The following ZNF483 variants were observed in gnomAD, a reference collection of about 807,000 sequenced individuals.
ZNF483 encodes the protein zinc finger protein HIT-10.
A neutral mutation model predicts 28.6 loss-of-function variants in ZNF483; 9 were observed. The observed-to-expected ratio is 0.32, with a 90% confidence interval of 0.19 to 0.55. The LOEUF is 0.55. Ranked by LOEUF, ZNF483 falls within the 20% of genes least tolerant of loss-of-function variation. The pLI, the probability that ZNF483 is intolerant of heterozygous loss-of-function variation, is 0.93. For synonymous variants in ZNF483, 322 were observed against 306.2 expected, an observed-to-expected ratio of 1.05 and a Z score of -0.54; for missense variants, 675 against 871.7, an observed-to-expected ratio of 0.77 and a Z score of 2.84.
At chr9:111,561,950 A>G (rs1403122636) in intron 5 of ZNF483, among the ~76,000 whole-genome samples, 1 of 150,276 alleles carries the variant, frequency 6.7e-6, no homozygotes, top group African/African-American at 2.4e-5. Flanking sequence ...CAATGGCACA[A>G]TATCGGCTCA....
intron 5 of ZNF483, among the ~76,000 whole-genome samples, chr9:111,573,366 G>A (rs974391535): frequency 6.6e-6 from 1 of 152,146 alleles, no homozygotes; most frequent in African/African-American, 2.4e-5. Context: ...CACAACCTGA[G>A]AGGGAATCTA....
downstream of ZNF483, among the ~76,000 whole-genome samples, chr9:111,555,698 C>G (rs973973822): frequency 1.3e-5 from 2 of 152,096 alleles, no homozygotes; most frequent in Non-Finnish European, 2.9e-5. Flanking sequence ...CTACACACTT[C>G]TAAACAACCA....
rs1052069946 is a variant in ZNF483, at chr9:111,543,955, A to G, written c.*785A>G. On this transcript the variant is annotated 3_prime_UTR_variant, in exon 6 of 6. Transcript: ENST00000309235. The stretch of plus-strand genomic sequence containing the variant: ...TGGACTTCTAGCTTAGTGAGAATGC[A>G]GTATACTTTTTGAAAACTTCGTGCA... The G allele has an allele frequency of 1.0e-6, 1 of 985,200 alleles. No homozygotes were observed. The highest frequency in any genetic ancestry group is 1.2e-6 in the Non-Finnish European group (1 of 829,928). The allele number at this position is 985,200 out of a possible 1,614,324, so 61.0% of individuals were successfully genotyped here.
rs1440353255 is a variant in ZNF483 at position 111,542,021 on chromosome 9, T to C, written c.1086T>C (p.Asn362=). The part of the protein sequence containing the change: ...KTAGEKSRKS[N]DGGKVLSHSS... The stretch of plus-strand genomic sequence containing the variant: ...CCGGAGAAAAGTCACGGAAATCTAA[T>C]GATGGTGGGAAAGTCCTGAGTCACT... Residue 362 remains asparagine (N), a synonymous_variant, in exon 6 of 6, where the codon AAT becomes AAC. Coordinates refer to ENST00000309235, the MANE Select transcript of ZNF483 (RefSeq NM_133464.5). The surrounding 1 kb of genome is among the most constrained non-coding windows in gnomAD (Gnocchi z 6.2). 3.7e-6 allele frequency: 6 copies of C among 1,613,866 alleles called. No individual in the cohort carries two copies. In the African/African-American group the frequency reaches 8.0e-5, roughly 22 times the overall value.
At chr9:111,530,805 ATATATATAT>A (rs1564591277) in intron 2 of ZNF483, 61 bp from the exon 3 acceptor site, 23 of 119,172 alleles carry the variant, frequency 1.9e-4, no homozygotes, top group African/African-American at 1.0e-3. Context: ...ATATATACAT[ATATATATAT>A]AAGATTTTTA....
At chr9:111,568,898 G>A (rs1376066007) in intron 5 of ZNF483, among the ~76,000 whole-genome samples, 1 of 152,182 alleles carries the variant, frequency 6.6e-6, no homozygotes, top group African/African-American at 2.4e-5. Flanking sequence ...TGGGAGAAGT[G>A]TTCAGATTCT....
chr9:111,543,122 A>G lies in ZNF483; in HGVS notation c.2187A>G (p.Lys729=). The G allele has an allele frequency of 6.2e-7, 1 of 1,613,886 alleles. No homozygotes were observed. Among genetic ancestry groups the G allele is most frequent in the Non-Finnish European group, 8.5e-7 (1 of 1,179,914 alleles). ...GTAACGAATGTGAGAAGACATTTAA[A>G]AGTAATTCAGGCCTCATTAGACATC... ...YECNECEKTF[K]SNSGLIRHRG... Residue 729 remains lysine (K), a synonymous_variant, in exon 6 of 6, where the codon AAA becomes AAG. Transcript: ENST00000309235.
chr9:111,543,096 T>C lies in ZNF483; in HGVS notation c.2161T>C (p.Cys721Arg). Residue 721 changes from cysteine (C) to arginine (R), a missense_variant, in exon 6 of 6, where the codon TGT becomes CGT. Around this residue, in one of 6 missense-constraint regions of ZNF483, gnomAD observed 55 missense variants for 72.4 expected, o/e 0.76. Coordinates refer to ENST00000309235, the MANE Select transcript of ZNF483 (RefSeq NM_133464.5). ...KIHTGRREYE[C>R]NECEKTFKSN... ...TCATACCGGAAGGAGAGAATATGAA[T>C]GTAACGAATGTGAGAAGACATTTAA... The C allele has an allele frequency of 1.2e-6, 2 of 1,614,072 alleles. No individual in the cohort carries two copies. The highest frequency in any genetic ancestry group is 1.7e-6 in the Non-Finnish European group (2 of 1,179,990).
chr9:111,560,389 G>A (rs1252459653), downstream of ZNF483, among the ~76,000 whole-genome samples: 4 of 150,896 alleles, frequency 2.7e-5, no homozygotes, highest in African/African-American at 7.3e-5. Flanking sequence ...CAGGAGAATC[G>A]CGTGAACCCT....
intron 5 of ZNF483, among the ~76,000 whole-genome samples, chr9:111,534,700 AC>A (rs1827437189): frequency 6.7e-6 from 1 of 149,928 alleles, no homozygotes; most frequent in Admixed American, 6.7e-5. Context: ...AAAGTCTTAG[AC>A]TAAAGTGTCG....
rs1017587343 is a variant in ZNF483, at chr9:111,546,555, C to T, written c.*3385C>T. Among the ~76,000 whole-genome samples the T allele has an allele frequency of 2.6e-5, 4 of 152,072 alleles. No homozygotes were observed. Among genetic ancestry groups the T allele is most frequent in the African/African-American group, 9.7e-5 (4 of 41,422 alleles). ...ACACATTTTACTTTAAAATGAAGTC[C>T]TTGCTTTAAATAATGTTTCCTCTTA... On this transcript the variant is annotated 3_prime_UTR_variant, in exon 6 of 6. Transcript: ENST00000309235.
At chr9:111,540,124 C>G (rs1319017710) in intron 5 of ZNF483, among the ~76,000 whole-genome samples, 2 of 151,690 alleles carry the variant, frequency 1.3e-5, no homozygotes, top group East Asian at 3.9e-4. Flanking sequence ...AGAGTAAGAC[C>G]CTATCTCTAA....
At chr9:111,564,608 G>T (rs1159768713) in intron 5 of ZNF483, among the ~76,000 whole-genome samples, 1 of 151,848 alleles carries the variant, frequency 6.6e-6, no homozygotes. Context: ...GCCTGGCTGA[G>T]ATTTGAACTT....
chr9:111,531,981 A>T (rs1167010273), intron 3 of ZNF483, among the ~76,000 whole-genome samples: 1 of 152,166 alleles, frequency 6.6e-6, no homozygotes, highest in Non-Finnish European at 1.5e-5. Flanking sequence ...CTGTGCCCAG[A>T]CAGAAATACA....
Position 111,541,720 on chromosome 9 carries a change from A to AAG in ZNF483, c.787_788dup (p.Ser264AsnfsTer55). On this transcript the variant is annotated frameshift_variant, in exon 6 of 6. Transcript: ENST00000309235. LOFTEE classifies it low-confidence loss of function (END_TRUNC). The stretch of plus-strand genomic sequence containing the variant: ...AGGGATGATGATCATGGCTTGATGG[A>AAG]AGAATCCCAGCAATATTGTGGCAGC... 1 of 1,614,126 alleles carries AAG rather than the reference A, an allele frequency of 6.2e-7. No homozygotes were observed. Among genetic ancestry groups the AAG allele is most frequent in the Non-Finnish European group, 8.5e-7 (1 of 1,180,000 alleles).
chr9:111,526,137 G>A (rs944410701), intron 1 of ZNF483, among the ~76,000 whole-genome samples: 4 of 152,182 alleles, frequency 2.6e-5, no homozygotes, highest in Non-Finnish European at 5.9e-5. Flanking sequence ...ATCAAGCAGA[G>A]CATCACACCA....
intron 5 of ZNF483, among the ~76,000 whole-genome samples, chr9:111,534,965 G>C (rs999112227): frequency 3.1e-4 from 47 of 151,802 alleles, no homozygotes; most frequent in Admixed American, 7.2e-4. Context: ...CCTCGTGATC[G>C]GCCTGCCTCG....
In ZNF483 at chr9:111,543,375, A is replaced by G. The variant is rs957660902; in HGVS notation, c.*205A>G. 24 of 1,324,430 alleles carry G rather than the reference A, an allele frequency of 1.8e-5. No individual in the cohort carries two copies. The African/African-American group carries it at 2.7e-4, about 15-fold the overall frequency. The allele number at this position is 1,324,430 out of a possible 1,614,324, so 82.0% of individuals were successfully genotyped here. On this transcript the variant is annotated 3_prime_UTR_variant, in exon 6 of 6. Transcript: ENST00000309235. The stretch of plus-strand genomic sequence containing the variant: ...TAATTAGTTGGTAAAGTCACTGGAA[A>G]GGGAAGAATGCAAAATGATTCTGAG...
chr9:111,570,111 AG>A (rs1828743207), intron 5 of ZNF483: 1 of 1,614,130 alleles, frequency 6.2e-7, no homozygotes. Flanking sequence ...CATTTCAGCA[AG>A]TCCTTCAGAG....
Sources: allele counts gnomAD v4.1 joint callset (sites outside exome capture counted in the v4.1 genomes callset), GRCh38; gene constraint gnomAD v4.1.1; regional missense constraint gnomAD v4.1.1; non-coding constraint Gnocchi (gnomAD v3.1); transcripts MANE v1.5; gene names NCBI Gene and HGNC (gene_info 2026-07-23, HGNC 2026-07-21).